PDE3A: variants seen among roughly 807,000 people sequenced by gnomAD.
The protein encoded by PDE3A is cGMP-inhibited 3',5'-cyclic phosphodiesterase 3A.
A neutral mutation model predicts 98.3 loss-of-function variants in PDE3A; 43 were observed. The observed-to-expected ratio is 0.44, with a 90% confidence interval of 0.34 to 0.56. The LOEUF (loss-of-function observed/expected upper bound fraction) is 0.56. PDE3A is among the 20% of genes least tolerant of loss of function. The pLI, the probability that PDE3A is intolerant of heterozygous loss-of-function variation, is 0.01. For missense variants in PDE3A, 1,427 were observed against 1,440.7 expected (o/e 0.99, Z 0.15); for synonymous variants, 663 against 567.9 (o/e 1.17, Z -2.38).
intron 1 of PDE3A, among the ~76,000 whole-genome samples, chr12:20,518,667 T>C (rs767773660): frequency 5.3e-5 from 8 of 152,216 alleles, no homozygotes; most frequent in Non-Finnish European, 1.2e-4. Flanking sequence ...TCCATCTTTT[T>C]TTCCCCCTTT....
Position 20,555,478 on chromosome 12 carries a change from A to G in PDE3A, c.961-1182A>G, listed in dbSNP as rs575249001. Among the ~76,000 whole-genome samples the G allele has an allele frequency of 5.3e-5, 8 of 152,332 alleles. No homozygotes were observed. In the East Asian group the frequency reaches 1.5e-3, roughly 29 times the overall value. On this transcript the variant is annotated intron_variant, in intron 1 of 15. Coordinates refer to ENST00000359062, the MANE Select transcript of PDE3A (RefSeq NM_000921.5). ...GAAATCACCGAAAATCTACCCTCTT[A>G]GCAAACTTCAGCACACTGTATAACA...
chr12:20,368,805 A>G lies in PDE3A; in HGVS notation c.-480A>G, dbSNP rs1943395465. Among the ~76,000 whole-genome samples, 1 of 151,886 alleles carries G rather than the reference A, an allele frequency of 6.6e-6. No homozygotes were observed. Among genetic ancestry groups the G allele is most frequent in the South Asian group, 2.1e-4 (1 of 4,810 alleles). ...ATCTGCCGCGGGCCCGGCGCGCTGC[A>G]GCGCAGCGCAGCGCCGAGCTGCGCC... On this transcript the variant is annotated 5_prime_UTR_variant, in exon 1 of 16. Transcript: ENST00000359062.
At chr12:20,443,803 T>G (rs1171121942) in intron 1 of PDE3A, among the ~76,000 whole-genome samples, 1 of 152,228 alleles carries the variant, frequency 6.6e-6, no homozygotes, top group Non-Finnish European at 1.5e-5. Context: ...GCAAATTTTC[T>G]TATGGAACAT....
At chr12:20,416,434 G>A (rs1944422725) in intron 1 of PDE3A, among the ~76,000 whole-genome samples, 1 of 152,152 alleles carries the variant, frequency 6.6e-6, no homozygotes, top group Non-Finnish European at 1.5e-5. Context: ...GTATGTGTGT[G>A]TGTCACTAAA....
intron 1 of PDE3A, among the ~76,000 whole-genome samples, chr12:20,375,140 T>C (rs934280905): frequency 1.3e-5 from 2 of 151,978 alleles, no homozygotes; most frequent in South Asian, 4.1e-4. Flanking sequence ...ATTATGCTTA[T>C]ATTCTGCATT....
At chr12:20,503,730 G>A (rs547731739) in intron 1 of PDE3A, among the ~76,000 whole-genome samples, 4 of 151,904 alleles carry the variant, frequency 2.6e-5, no homozygotes, top group South Asian at 2.1e-4. Flanking sequence ...TGATAGTTTT[G>A]CTTATTTTAG....
chr12:20,472,640 G>GT (rs1392480592), intron 1 of PDE3A, among the ~76,000 whole-genome samples: 3 of 152,028 alleles, frequency 2.0e-5, no homozygotes, highest in Non-Finnish European at 1.5e-5. Context: ...GAAAAAAACA[G>GT]TAAGTAGCTA....
intron 6 of PDE3A, 74 bp downstream of exon 6, chr12:20,630,201 G>A (rs1037968469): frequency 1.1e-5 from 12 of 1,080,052 alleles, no homozygotes; most frequent in Non-Finnish European, 1.6e-5. Flanking sequence ...CCTACCACCA[G>A]CCCACGCAGC....
chr12:20,411,644 A>T (rs373157252), intron 1 of PDE3A, among the ~76,000 whole-genome samples: 1 of 147,342 alleles, frequency 6.8e-6, no homozygotes, highest in African/African-American at 2.5e-5. Context: ...GCTTACTGTC[A>T]TAATCTGTAA....
intron 1 of PDE3A, among the ~76,000 whole-genome samples, chr12:20,545,777 CAAAAAA>C (rs5796868): frequency 5.0e-5 from 7 of 141,132 alleles, no homozygotes; most frequent in South Asian, 2.3e-4. Flanking sequence ...TAGTGGCTGC[CAAAAAA>C]AAAAAAACAA....
intron 1 of PDE3A, among the ~76,000 whole-genome samples, chr12:20,503,452 T>C (rs1946058748): frequency 6.6e-6 from 1 of 152,042 alleles, no homozygotes; most frequent in Non-Finnish European, 1.5e-5. Context: ...TAATTCAAGA[T>C]AAAATGCTTT....
intron 9 of PDE3A, among the ~76,000 whole-genome samples, chr12:20,637,597 T>C (rs1350850204): frequency 1.3e-5 from 2 of 152,186 alleles, no homozygotes; most frequent in African/African-American, 4.8e-5. Flanking sequence ...ATTTATTGTC[T>C]GTAATTATTT....
Position 20,552,036 on chromosome 12 carries a change from C to T in PDE3A, c.961-4624C>T, listed in dbSNP as rs1056684651. ...TCCTGGCGGGGGGCTACGAGGATGA[C>T]GTGGACCATGGGAATTTTTTCACAT... On this transcript the variant is annotated intron_variant, in intron 1 of 15. Transcript: ENST00000359062. The surrounding 1 kb of genome is among the most constrained non-coding windows in gnomAD (Gnocchi z 5.1). The T allele has an allele frequency of 2.5e-6, 4 of 1,612,200 alleles. No homozygotes were observed. In the South Asian group the frequency reaches 4.4e-5, roughly 18 times the overall value.
At chr12:20,627,591 G>A (rs1018803635) in intron 5 of PDE3A, among the ~76,000 whole-genome samples, 3 of 151,694 alleles carry the variant, frequency 2.0e-5, no homozygotes, top group African/African-American at 7.3e-5. Flanking sequence ...AGCCAGAGAG[G>A]CCTTCTCAGT....
At chr12:20,579,549 C>A (rs1943017367) in intron 2 of PDE3A, among the ~76,000 whole-genome samples, 1 of 152,162 alleles carries the variant, frequency 6.6e-6, no homozygotes, top group Admixed American at 6.6e-5. Context: ...TTAGGTCCTT[C>A]ATCTACCTTC....
rs528306853 is a variant in PDE3A, at chr12:20,537,134, T to A, written c.961-19526T>A. ...AGATGGTATCTCACTGTGGTCTTGA[T>A]TTGCATGTCCACAGTAGCTAATGTT... is the stretch of plus-strand genomic sequence containing the variant. On this transcript the variant is annotated intron_variant, in intron 1 of 15. Coordinates refer to ENST00000359062, the MANE Select transcript of PDE3A (RefSeq NM_000921.5). 1.8e-3 allele frequency among the ~76,000 whole-genome samples: 269 copies of A among 152,234 alleles called. 10 individuals are homozygous for A. The South Asian group carries it at 0.053, about 30-fold the overall frequency.
intron 1 of PDE3A, among the ~76,000 whole-genome samples, chr12:20,372,985 A>G (rs1254919921): frequency 6.6e-6 from 1 of 152,096 alleles, no homozygotes; most frequent in African/African-American, 2.4e-5. Context: ...AAGAGAATAT[A>G]TGATAAAAAT....
rs151178521 is a variant in PDE3A, at chr12:20,673,199, C to A, written c.3185-6831C>A. ...GGCAATCATTAAAAAGTCAGGAAAC[C>A]ACAGGTACTGGAAAGGATGTGGAGA... On this transcript the variant is annotated intron_variant, in intron 15 of 15. Coordinates refer to ENST00000359062, the MANE Select transcript of PDE3A (RefSeq NM_000921.5). 6.9e-3 allele frequency among the ~76,000 whole-genome samples: 1,056 copies of A among 152,208 alleles called. 4 individuals carry two copies. The highest frequency in any genetic ancestry group is 0.024 in the African/African-American group (1,017 of 41,528).
At chr12:20,633,619 A>G (rs1278436471) in intron 6 of PDE3A, 74 bp from the exon 7 acceptor site, 2 of 703,548 alleles carry the variant, frequency 2.8e-6, no homozygotes, top group Non-Finnish European at 4.8e-6. Flanking sequence ...ATCTTAATGT[A>G]TACATAGATG....
Sources: gnomAD v4.1 joint callset for allele counts (sites outside exome capture counted in the v4.1 genomes callset) on GRCh38, gnomAD v4.1.1 for gene constraint, Gnocchi (gnomAD v3.1) non-coding constraint, MANE v1.5 for transcripts, NCBI Gene and HGNC (gene_info 2026-07-23, HGNC 2026-07-21) for gene names.